Variants in ITGA8 observed in about 807,000 individuals in gnomAD.
The protein encoded by ITGA8 is integrin alpha-8.
ITGA8 carries 91 observed loss-of-function variants against 142.3 expected under a neutral mutation model. The ratio of observed to expected loss-of-function variants is 0.64; its 90% CI spans 0.54 to 0.76. ITGA8 has a LOEUF of 0.76. Among genes scored for constraint, ITGA8 ranks in the 30% least tolerant of loss-of-function variants. The pLI is 0.00. For missense variants in ITGA8, 1,406 were observed against 1,327.7 expected (o/e 1.06, Z -0.92); for synonymous variants, 505 against 485.2 (o/e 1.04, Z -0.54).
At chr10:15,688,098 A>T in intron 2 of ITGA8, 60 bp from the exon 3 acceptor site, 5 of 1,098,542 alleles carry the variant, frequency 4.6e-6, no homozygotes, top group Non-Finnish European at 7.0e-6. Flanking sequence ...ATTAAAACAC[A>T]TAATAAATTT....
intron 10 of ITGA8, among the ~76,000 whole-genome samples, chr10:15,656,240 G>C (rs1391279932): frequency 6.6e-6 from 1 of 152,158 alleles, no homozygotes; most frequent in African/African-American, 2.4e-5. Context: ...AGCATAAAAA[G>C]TTTTCATGTC....
Position 15,659,010 on chromosome 10 carries a change from T to C in ITGA8, c.937A>G (p.Thr313Ala), listed in dbSNP as rs1224850021. The C allele has an allele frequency of 1.2e-6, 2 of 1,602,082 alleles. No homozygotes were observed. Among genetic ancestry groups the C allele is most frequent in the East Asian group, 2.2e-5 (1 of 44,676 alleles). Reference protein sequence around the residue: ...STDMTFIQNFTGEQMASYFGY... With the variant: ...STDMTFIQNFAGEQMASYFGY... Reference sequence around the variant, plus strand: ...TAAAATGTCTCTACCTGTTCTCCCGTGAAATTCTGAATAAACGTCATATCC... The same window carrying C: ...TAAAATGTCTCTACCTGTTCTCCCGCGAAATTCTGAATAAACGTCATATCC... Residue 313 changes from threonine to alanine, a missense_variant, in exon 10 of 30, where the codon ACG (threonine) becomes GCG (alanine). Transcript: ENST00000378076.
chr10:15,697,072 A>G (rs376179236), intron 2 of ITGA8, among the ~76,000 whole-genome samples: 2 of 58,762 alleles, frequency 3.4e-5, no homozygotes, highest in Non-Finnish European at 8.1e-5. Flanking sequence ...CACACAAGAA[A>G]TAGTATGAAA....
chr10:15,671,021 A>G (rs12218970), intron 8 of ITGA8, among the ~76,000 whole-genome samples: 14,978 of 152,210 alleles, frequency 0.098, 946 homozygotes, highest in East Asian at 0.29. Flanking sequence ...TTAGAATTTT[A>G]TCCTAGCACT....
chr10:15,621,877 G>T (rs1481861934), intron 13 of ITGA8, among the ~76,000 whole-genome samples: 1 of 152,136 alleles, frequency 6.6e-6, no homozygotes, highest in African/African-American at 2.4e-5. Context: ...AAAAACAACA[G>T]CTGGGCACGG....
chr10:15,679,010 G>T (rs1424965985), intron 4 of ITGA8, among the ~76,000 whole-genome samples: 1 of 152,108 alleles, frequency 6.6e-6, no homozygotes, highest in East Asian at 1.9e-4. Flanking sequence ...AGATCAACAG[G>T]AATAACATCC....
At chr10:15,530,806 T>G (rs1833274544) in intron 28 of ITGA8, among the ~76,000 whole-genome samples, 1 of 152,180 alleles carries the variant, frequency 6.6e-6, no homozygotes, top group South Asian at 2.1e-4. Flanking sequence ...ATAAAATGTC[T>G]TCATTTAAAA....
chr10:15,611,923 T>C (rs1458019306), intron 15 of ITGA8, among the ~76,000 whole-genome samples: 1 of 152,182 alleles, frequency 6.6e-6, no homozygotes, highest in Admixed American at 6.5e-5. Context: ...GTACCACATG[T>C]GCTTAAAGGA....
chr10:15,719,447 G>A, intron 1 of ITGA8, 116 bp downstream of exon 1: 2 of 882,538 alleles, frequency 2.3e-6, no homozygotes, highest in Non-Finnish European at 3.3e-6. Context: ...CGGGACCCCG[G>A]GCAGGCGGCA....
chr10:15,701,487 C>CTT (rs369041341), intron 2 of ITGA8, among the ~76,000 whole-genome samples: 1 of 149,416 alleles, frequency 6.7e-6, no homozygotes, highest in Non-Finnish European at 1.5e-5. Flanking sequence ...GCTTTTGGTT[C>CTT]TTTTTTTTTT....
At chr10:15,676,531 G>T (rs1026745155) in intron 6 of ITGA8, among the ~76,000 whole-genome samples, 5 of 152,200 alleles carry the variant, frequency 3.3e-5, no homozygotes, top group Non-Finnish European at 4.4e-5. Context: ...GGGTACCCCT[G>T]TGACAGTTCG....
chr10:15,587,472 C>G (rs979070837), intron 22 of ITGA8, among the ~76,000 whole-genome samples: 1 of 152,210 alleles, frequency 6.6e-6, no homozygotes, highest in Non-Finnish European at 1.5e-5. Context: ...ATACCATGCA[C>G]TGGCTTGGCA....
chr10:15,628,223 G>A (rs1390607789), intron 13 of ITGA8, among the ~76,000 whole-genome samples: 2 of 151,602 alleles, frequency 1.3e-5, no homozygotes, highest in Non-Finnish European at 2.9e-5. Flanking sequence ...GCAGCTGAGC[G>A]GCCCATATGC....
chr10:15,567,102 C>T (rs1185364611), intron 25 of ITGA8, among the ~76,000 whole-genome samples: 2 of 150,388 alleles, frequency 1.3e-5, no homozygotes, highest in East Asian at 3.9e-4. Context: ...TTGCAGTGAG[C>T]TGAGATTTCA....
chr10:15,620,192 T>G (rs1833463371), intron 13 of ITGA8, among the ~76,000 whole-genome samples: 1 of 152,164 alleles, frequency 6.6e-6, no homozygotes. Flanking sequence ...TAAGTAATAA[T>G]GTAATAATAA....
chr10:15,685,643 C>A (rs1479207234), intron 3 of ITGA8, among the ~76,000 whole-genome samples: 1 of 152,154 alleles, frequency 6.6e-6, no homozygotes, highest in Non-Finnish European at 1.5e-5. Flanking sequence ...CATGCCTTTT[C>A]ATTTTCAGAA....
chr10:15,548,442 G>C lies in ITGA8; in HGVS notation c.2880+13C>G. ...GTGAGCAGTGTGTATGTGCTTCTGT[G>C]GTTGTTTATTACCTGGAGGAAGGTG... On this transcript the variant is annotated intron_variant, in intron 27 of 29. Coordinates refer to ENST00000378076, the MANE Select transcript of ITGA8 (RefSeq NM_003638.3). 6.3e-7 allele frequency: 1 copy of C among 1,575,034 alleles called. No homozygotes were observed. Among genetic ancestry groups the C allele is most frequent in the Non-Finnish European group, 8.7e-7 (1 of 1,147,784 alleles).
intron 28 of ITGA8, among the ~76,000 whole-genome samples, chr10:15,523,931 C>CAAACA (rs887410922): frequency 3.9e-5 from 6 of 152,042 alleles, no homozygotes; most frequent in African/African-American, 9.7e-5. Context: ...GCCTCTGTCT[C>CAAACA]AAACAAAACA....
At chr10:15,708,289 G>C (rs1273958919) in intron 2 of ITGA8, among the ~76,000 whole-genome samples, 1 of 152,150 alleles carries the variant, frequency 6.6e-6, no homozygotes, top group African/African-American at 2.4e-5. Context: ...TGAGGAACCA[G>C]AGTGAAAGGA....
Sources: gnomAD v4.1 joint callset for allele counts (sites outside exome capture counted in the v4.1 genomes callset) on GRCh38, gnomAD v4.1.1 for gene constraint, MANE v1.5 for transcripts, NCBI Gene and HGNC (gene_info 2026-07-23, HGNC 2026-07-21) for gene names.